CREB5: variants seen among roughly 807,000 people sequenced by gnomAD.
The protein encoded by CREB5 is cAMP responsive element binding protein 5.
Under a neutral mutation model 57.1 loss-of-function variants are expected in CREB5, and 19 were observed. The ratio of observed to expected loss-of-function variants is 0.33; its 90% CI spans 0.23 to 0.49. CREB5 has a LOEUF of 0.49. Ranked by LOEUF, CREB5 falls within the 20% of genes least tolerant of loss-of-function variation. The pLI, the probability that CREB5 is intolerant of heterozygous loss-of-function variation, is 0.99. For synonymous variants in CREB5, 238 were observed against 238.3 expected (o/e 1.00, Z 0.01); for missense variants, 579 against 671.6 (o/e 0.86, Z 1.52).
intron 7 of CREB5, among the ~76,000 whole-genome samples, chr7:28,763,553 A>C (rs920515437): frequency 6.6e-6 from 1 of 152,148 alleles, no homozygotes; most frequent in African/African-American, 2.4e-5. Context: ...TTAGCCTTTA[A>C]AAGCGAGTCT....
At chr7:28,761,941 A>G (rs1309222677) in intron 7 of CREB5, among the ~76,000 whole-genome samples, 2 of 147,576 alleles carry the variant, frequency 1.4e-5, no homozygotes, top group East Asian at 4.0e-4. Context: ...AGTTCGCAAC[A>G]TAAAGATAAA....
chr7:28,642,987 T>TACACAC (rs1179446048), intron 5 of CREB5, among the ~76,000 whole-genome samples: 2,012 of 98,358 alleles, frequency 0.02, 39 homozygotes, highest in African/African-American at 0.027. Flanking sequence ...CACACACACA[T>TACACAC]ACACACACAC....
At chr7:28,597,782 C>T (rs894600803) in intron 5 of CREB5, among the ~76,000 whole-genome samples, 3 of 152,082 alleles carry the variant, frequency 2.0e-5, no homozygotes, top group African/African-American at 7.2e-5. Flanking sequence ...GATTCCCTCT[C>T]GAAGTGGGGA....
intron 1 of CREB5, among the ~76,000 whole-genome samples, chr7:28,355,763 A>G (rs1786327204): frequency 6.6e-6 from 1 of 152,220 alleles, no homozygotes; most frequent in Non-Finnish European, 1.5e-5. Flanking sequence ...CATTTTTATG[A>G]CACGCAGCTA....
At chr7:28,706,569 C>T (rs1191586684) in intron 5 of CREB5, among the ~76,000 whole-genome samples, 1 of 152,128 alleles carries the variant, frequency 6.6e-6, no homozygotes, top group African/African-American at 2.4e-5. Context: ...ATAGCAAAGC[C>T]AGGTTGAAAA....
chr7:28,699,785 C>T (rs948026433), intron 5 of CREB5, among the ~76,000 whole-genome samples: 1 of 152,038 alleles, frequency 6.6e-6, no homozygotes, highest in African/African-American at 2.4e-5. Flanking sequence ...ACAATAGGGC[C>T]AAGAAGGGGT....
intron 1 of CREB5, among the ~76,000 whole-genome samples, chr7:28,361,331 T>G (rs1435996236): frequency 6.6e-6 from 1 of 152,178 alleles, no homozygotes; most frequent in African/African-American, 2.4e-5. Context: ...TAATTTTACA[T>G]GAGTCAATGT....
chr7:28,349,128 T>G (rs1419975597), intron 1 of CREB5, among the ~76,000 whole-genome samples: 1 of 152,106 alleles, frequency 6.6e-6, no homozygotes, highest in African/African-American at 2.4e-5. Flanking sequence ...GTGAAGACAG[T>G]CCACCGCACA....
chr7:28,788,717 A>G (rs1049688818), intron 7 of CREB5, among the ~76,000 whole-genome samples: 2 of 152,122 alleles, frequency 1.3e-5, no homozygotes, highest in Admixed American at 6.5e-5. Context: ...TTCTTATTCT[A>G]CAGGAGGAAA....
chr7:28,530,443 G>A (rs1342031722), intron 4 of CREB5, among the ~76,000 whole-genome samples: 2 of 152,192 alleles, frequency 1.3e-5, no homozygotes, highest in Non-Finnish European at 2.9e-5. Flanking sequence ...CATAGCCAAT[G>A]TCAAGGGCTC....
chr7:28,684,241 G>A (rs1310541164), intron 5 of CREB5, among the ~76,000 whole-genome samples: 1 of 152,204 alleles, frequency 6.6e-6, no homozygotes, highest in Non-Finnish European at 1.5e-5. Context: ...TGACATGGTG[G>A]ACCAAACTTT....
chr7:28,538,114 C>T (rs759294173), intron 4 of CREB5, among the ~76,000 whole-genome samples: 5 of 152,196 alleles, frequency 3.3e-5, no homozygotes, highest in East Asian at 3.9e-4. Context: ...AGTGCAGTGG[C>T]GCGATCTCTG....
chr7:28,592,253 C>G (rs1796547270), intron 5 of CREB5, among the ~76,000 whole-genome samples: 1 of 152,090 alleles, frequency 6.6e-6, no homozygotes, highest in Non-Finnish European at 1.5e-5. Flanking sequence ...ACAGTTAAAC[C>G]AGCTCAAATA....
intron 1 of CREB5, among the ~76,000 whole-genome samples, chr7:28,446,951 A>G (rs1454327773): frequency 6.6e-6 from 1 of 152,184 alleles, no homozygotes; most frequent in Admixed American, 6.5e-5. Context: ...CAAAGGCAAG[A>G]CCATTTCCTA....
chr7:28,579,694 A>G (rs1469154036), intron 5 of CREB5, among the ~76,000 whole-genome samples: 1 of 152,168 alleles, frequency 6.6e-6, no homozygotes, highest in Non-Finnish European at 1.5e-5. Flanking sequence ...AGCCAAACAC[A>G]CAGCACTTTA....
intron 1 of CREB5, among the ~76,000 whole-genome samples, chr7:28,480,930 A>G (rs542420796): frequency 6.6e-6 from 1 of 152,356 alleles, no homozygotes; most frequent in Non-Finnish European, 1.5e-5. Context: ...TTAGCCAGTA[A>G]CTTTGAACAA....
chr7:28,399,710 T>G (rs958269235), intron 1 of CREB5, among the ~76,000 whole-genome samples: 1 of 151,806 alleles, frequency 6.6e-6, no homozygotes, highest in African/African-American at 2.4e-5. Flanking sequence ...AGCCCAGGAG[T>G]TTGAGATCAG....
intron 1 of CREB5, among the ~76,000 whole-genome samples, chr7:28,374,731 C>G (rs1022741808): frequency 2.6e-5 from 4 of 152,098 alleles, no homozygotes; most frequent in African/African-American, 9.7e-5. Context: ...TTTCAGTTCC[C>G]AACTCGTCAG....
intron 1 of CREB5, among the ~76,000 whole-genome samples, chr7:28,344,044 T>A (rs1021712123): frequency 3.3e-5 from 5 of 151,870 alleles, no homozygotes; most frequent in African/African-American, 7.3e-5. Context: ...ATGTTTTAAT[T>A]GATTTTTTTT....
Sources: gnomAD v4.1 joint callset for allele counts (sites outside exome capture counted in the v4.1 genomes callset) on GRCh38, gnomAD v4.1.1 for gene constraint, MANE v1.5 for transcripts, NCBI Gene and HGNC (gene_info 2026-07-23, HGNC 2026-07-21) for gene names.